The following AGBL4 variants were observed in gnomAD, a reference collection of about 807,000 sequenced individuals.
AGBL4 encodes cytosolic carboxypeptidase 6.
In AGBL4, 58 loss-of-function variants were observed where a neutral mutation model predicts 66.4. That is an observed-to-expected ratio of 0.87 (90% CI 0.71 to 1.09). The LOEUF (loss-of-function observed/expected upper bound fraction) is 1.09, where lower values mean the gene tolerates loss of function less well. Ranked by LOEUF, AGBL4 falls within the 50% of genes least tolerant of loss-of-function variation. The pLI is 0.00. For missense variants in AGBL4, 579 were observed against 631.0 expected, an observed-to-expected ratio of 0.92 and a Z score of 0.88; for synonymous variants, 234 against 222.9, an observed-to-expected ratio of 1.05 and a Z score of -0.44.
intron 2 of AGBL4, among the ~76,000 whole-genome samples, chr1:49,744,348 T>C (rs1650816484): frequency 6.6e-6 from 1 of 152,120 alleles, no homozygotes; most frequent in Admixed American, 6.6e-5. Flanking sequence ...TTGCTCCCCA[T>C]TTGCCTTTTG....
At chr1:49,097,052 C>A (rs567312282) in intron 4 of AGBL4, among the ~76,000 whole-genome samples, 5 of 152,270 alleles carry the variant, frequency 3.3e-5, no homozygotes, top group African/African-American at 1.2e-4. Flanking sequence ...TCATAGTAAA[C>A]TTCTTAGCTT....
Position 49,760,582 on chromosome 1 carries a change from A to G in AGBL4, c.158-63145T>C, listed in dbSNP as rs554169122. On this transcript the variant is annotated intron_variant, in intron 2 of 13. Coordinates refer to ENST00000371839, the MANE Select transcript of AGBL4 (RefSeq NM_032785.4). ...TCTTACATTGTTGGTGGAAATGTAA[A>G]TTAGTTCAACCACTGTGGAAGACAG... is the stretch of plus-strand genomic sequence containing the variant. 1.0e-3 allele frequency among the ~76,000 whole-genome samples: 155 copies of G among 152,340 alleles called. 1 individual carries two copies. Among genetic ancestry groups the G allele is most frequent in the Admixed American group, 2.0e-3 (31 of 15,306 alleles).
At chr1:48,544,687 C>T (rs1020366526) in intron 11 of AGBL4, among the ~76,000 whole-genome samples, 4 of 152,050 alleles carry the variant, frequency 2.6e-5, no homozygotes, top group African/African-American at 7.2e-5. Flanking sequence ...GCTGGAATCC[C>T]GAGCCTCCAT....
intron 3 of AGBL4, among the ~76,000 whole-genome samples, chr1:49,597,418 G>C (rs1644872327): frequency 1.3e-5 from 2 of 152,186 alleles, no homozygotes; most frequent in African/African-American, 4.8e-5. Flanking sequence ...GGGGGATCAA[G>C]GAATGCTTCT....
At chr1:49,973,609 G>T (rs1658316264) in intron 1 of AGBL4, among the ~76,000 whole-genome samples, 1 of 146,978 alleles carries the variant, frequency 6.8e-6, no homozygotes, top group African/African-American at 2.5e-5. Flanking sequence ...TGTTATATAT[G>T]GATTATCTAT....
At chr1:49,576,168 T>A (rs948953920) in intron 3 of AGBL4, among the ~76,000 whole-genome samples, 5 of 152,214 alleles carry the variant, frequency 3.3e-5, no homozygotes, top group Admixed American at 3.3e-4. Context: ...GCACAACACC[T>A]GGTGGTCCTA....
chr1:48,572,325 G>A (rs961005979), intron 11 of AGBL4, among the ~76,000 whole-genome samples: 3 of 152,100 alleles, frequency 2.0e-5, no homozygotes, highest in Non-Finnish European at 4.4e-5. Flanking sequence ...AGGACAGAGT[G>A]GCTTCTTGTT....
chr1:48,595,049 A>C (rs1165712379), intron 9 of AGBL4, among the ~76,000 whole-genome samples: 1 of 152,162 alleles, frequency 6.6e-6, no homozygotes, highest in Non-Finnish European at 1.5e-5. Context: ...TAAGCCACTG[A>C]AATTTGGGGA....
chr1:48,529,435 A>G (rs886113540), downstream of AGBL4, among the ~76,000 whole-genome samples: 17 of 152,152 alleles, frequency 1.1e-4, no homozygotes, highest in Admixed American at 1.3e-4. Context: ...GATATTATTC[A>G]GTTCATTTTA....
chr1:49,617,225 T>C (rs1167023048), intron 3 of AGBL4, among the ~76,000 whole-genome samples: 1 of 152,186 alleles, frequency 6.6e-6, no homozygotes. Context: ...TCAGTCATGC[T>C]ATCACTCAAG....
At chr1:49,271,863 C>T (rs958798419) in intron 3 of AGBL4, among the ~76,000 whole-genome samples, 4 of 152,148 alleles carry the variant, frequency 2.6e-5, no homozygotes, top group African/African-American at 9.7e-5. Context: ...GGAAAGGATA[C>T]TCTCAGGTCT....
intron 3 of AGBL4, among the ~76,000 whole-genome samples, chr1:49,433,855 A>T (rs1023275885): frequency 1.3e-5 from 2 of 152,332 alleles, no homozygotes; most frequent in African/African-American, 4.8e-5. Flanking sequence ...TGGGACATAA[A>T]AGATGTTCAG....
chr1:48,752,969 C>T (rs1169401638), intron 6 of AGBL4, among the ~76,000 whole-genome samples: 2 of 152,064 alleles, frequency 1.3e-5, no homozygotes, highest in East Asian at 1.9e-4. Flanking sequence ...AGGATGGTCT[C>T]GATCTCTTGA....
chr1:48,620,799 A>G (rs531453289), intron 9 of AGBL4, among the ~76,000 whole-genome samples: 2 of 152,298 alleles, frequency 1.3e-5, no homozygotes, highest in East Asian at 1.9e-4. Context: ...AAAAGACCAC[A>G]CTATATAAGT....
At chr1:48,909,071 GC>G (rs1652862677) in intron 5 of AGBL4, among the ~76,000 whole-genome samples, 1 of 151,942 alleles carries the variant, frequency 6.6e-6, no homozygotes, top group Non-Finnish European at 1.5e-5. Flanking sequence ...TTTACCTCTT[GC>G]AAATCCTTCC....
chr1:49,714,916 C>T (rs1225160718), intron 2 of AGBL4, among the ~76,000 whole-genome samples: 1 of 151,922 alleles, frequency 6.6e-6, no homozygotes, highest in Non-Finnish European at 1.5e-5. Context: ...ATTCTCTTTT[C>T]TATGCATCCT....
chr1:48,658,133 G>T (rs1557859989), intron 7 of AGBL4, among the ~76,000 whole-genome samples: 1 of 152,204 alleles, frequency 6.6e-6, no homozygotes, highest in Non-Finnish European at 1.5e-5. Flanking sequence ...GAAAGTCAGG[G>T]TGTGGCATCG....
intron 2 of AGBL4, among the ~76,000 whole-genome samples, chr1:49,733,339 A>C (rs1452311567): frequency 2.6e-5 from 4 of 152,230 alleles, no homozygotes; most frequent in Non-Finnish European, 1.5e-5. Context: ...TTACAGTAAG[A>C]AACGAAGAAC....
rs1652306333 is a variant in AGBL4, at chr1:49,544,282, C to T, written c.282+153031G>A. ...GTTGTATGGGTAACAATGTATCTGC[C>T]TCATGTAAGCAGAAGCTAGTATGTG... On this transcript the variant is annotated intron_variant, in intron 3 of 13. Coordinates refer to ENST00000371839, the MANE Select transcript of AGBL4 (RefSeq NM_032785.4). Among the ~76,000 whole-genome samples, 3 of 152,230 alleles carry T rather than the reference C, an allele frequency of 2.0e-5. 1 individual carries two copies. Among genetic ancestry groups the T allele is most frequent in the Middle Eastern group, 6.8e-3 (2 of 294 alleles).
Sources: gnomAD v4.1 joint callset for allele counts (sites outside exome capture counted in the v4.1 genomes callset) on GRCh38, gnomAD v4.1.1 for gene constraint, MANE v1.5 for transcripts, NCBI Gene and HGNC (gene_info 2026-07-23, HGNC 2026-07-21) for gene names.